WDPCP: variants seen among roughly 807,000 people sequenced by gnomAD.
WDPCP encodes WD repeat containing planar cell polarity effector.
In WDPCP, 71 loss-of-function variants were observed where a neutral mutation model predicts 93.1. The ratio of observed to expected loss-of-function variants is 0.76; its 90% CI spans 0.63 to 0.93. The LOEUF (loss-of-function observed/expected upper bound fraction) is 0.93. Ranked by LOEUF, WDPCP falls within the 40% of genes least tolerant of loss-of-function variation. WDPCP has a pLI of 0.00. For missense variants in WDPCP, 844 were observed against 887.4 expected (o/e 0.95, Z 0.62); for synonymous variants, 315 against 315.0 (o/e 1.00, Z 0.00).
At chr2:63,560,163 C>A (rs1228733185) in intron 1 of WDPCP, among the ~76,000 whole-genome samples, 1 of 152,038 alleles carries the variant, frequency 6.6e-6, no homozygotes, top group African/African-American at 2.4e-5. Context: ...GTGGAACTTG[C>A]AGTGAGCCAA....
chr2:63,603,352 T>A lies in WDPCP; in HGVS notation n.488+47307A>T, dbSNP rs530941907. Among the ~76,000 whole-genome samples, 39 of 152,348 alleles carry A rather than the reference T, an allele frequency of 2.6e-4. No individual in the cohort carries two copies. In the South Asian group the frequency reaches 8.1e-3, roughly 32 times the overall value. On this transcript the variant is annotated intron_variant and non_coding_transcript_variant, in intron 3 of 4. Coordinates refer to the WDPCP transcript ENST00000467687. ...TCCTTAAAATATCAAAGTGTATTCC[T>A]TTTCTTACATGGTAAATACTCAAAT...
intron 7 of WDPCP, chr2:63,437,976 G>A (rs1697251592): frequency 1.4e-6 from 2 of 1,412,504 alleles, no homozygotes; most frequent in East Asian, 2.6e-5. Context: ...ACTGATCAGT[G>A]TTCTCTACCA....
chr2:63,369,570 T>C, intron 12 of WDPCP: 4 of 454,400 alleles, frequency 8.8e-6, no homozygotes, highest in Middle Eastern at 3.3e-4. Context: ...AAACACATTT[T>C]GTACATCCCA....
In WDPCP at chr2:63,486,556, T is replaced by C; in HGVS notation, c.239A>G (p.Gln80Arg). The C allele has an allele frequency of 1.3e-6, 2 of 1,576,858 alleles. No individual in the cohort carries two copies. Among genetic ancestry groups the C allele is most frequent in the South Asian group, 2.3e-5 (2 of 86,770 alleles). The change falls in exon 4 of 18, where the codon CAG becomes CGG. Residue 80 changes from glutamine to arginine, a missense_variant. Physicochemically the swap from Gln to Arg is conservative, Grantham distance 43. Transcript: ENST00000272321. Reference sequence around the variant, plus strand: ...AGTAAGCTTACACTCTGCCAGCTTCTGCTTCTTTTCTAAGTTACCATGCTC... The same window carrying C: ...AGTAAGCTTACACTCTGCCAGCTTCCGCTTCTTTTCTAAGTTACCATGCTC... ...ATEHGNLEKK[Q>R]KLAESRDYPW...
At chr2:63,469,276 G>A (rs1486417999) in intron 6 of WDPCP, among the ~76,000 whole-genome samples, 1 of 152,178 alleles carries the variant, frequency 6.6e-6, no homozygotes, top group East Asian at 1.9e-4. Flanking sequence ...ACCACTTGGG[G>A]GAAAGCAGTG....
At chr2:63,335,187 C>G (rs750223474) in intron 12 of WDPCP, among the ~76,000 whole-genome samples, 1 of 152,106 alleles carries the variant, frequency 6.6e-6, no homozygotes, top group Non-Finnish European at 1.5e-5. Flanking sequence ...CTACCCATGC[C>G]CTTTTAAAAT....
At chr2:63,319,626 C>T (rs1186579200) in intron 12 of WDPCP, among the ~76,000 whole-genome samples, 3 of 152,114 alleles carry the variant, frequency 2.0e-5, no homozygotes, top group African/African-American at 7.2e-5. Context: ...CTACAGGGGC[C>T]CACTACCGCG....
intron 1 of WDPCP, among the ~76,000 whole-genome samples, chr2:63,500,623 G>A (rs565347081): frequency 2.0e-5 from 3 of 152,282 alleles, no homozygotes; most frequent in Non-Finnish European, 4.4e-5. Context: ...TGTTCTGAAT[G>A]CTGGGCTGTA....
chr2:63,598,925 A>C (rs2106614971), intron 3 of WDPCP, among the ~76,000 whole-genome samples: 1 of 150,260 alleles, frequency 6.7e-6, no homozygotes, highest in South Asian at 2.1e-4. Context: ...GATATATGGG[A>C]GTCAGTCTCT....
At chr2:63,586,185 G>A in intron 1 of WDPCP, among the ~76,000 whole-genome samples, 1 of 152,150 alleles carries the variant, frequency 6.6e-6, no homozygotes, top group East Asian at 1.9e-4. Flanking sequence ...GTTCCAAAGT[G>A]CCTTGGGTAT....
intron 3 of WDPCP, among the ~76,000 whole-genome samples, chr2:63,613,468 C>T (rs951933874): frequency 6.6e-5 from 10 of 152,234 alleles, no homozygotes; most frequent in Non-Finnish European, 1.5e-4. Context: ...ACCTCCCAAT[C>T]ATGGGATGGG....
chr2:63,202,439 T>A (rs2104342029), intron 14 of WDPCP, among the ~76,000 whole-genome samples: 1 of 152,292 alleles, frequency 6.6e-6, no homozygotes, highest in Admixed American at 6.5e-5. Context: ...TCCTCCATTA[T>A]CAGAATTCAG....
chr2:63,464,898 G>A (rs1009235215), intron 6 of WDPCP, among the ~76,000 whole-genome samples: 8 of 151,750 alleles, frequency 5.3e-5, no homozygotes, highest in African/African-American at 1.5e-4. Context: ...GGGAAAAGGG[G>A]GCATTGTTGT....
chr2:63,472,557 C>T (rs1234288368), intron 6 of WDPCP, among the ~76,000 whole-genome samples: 3 of 151,678 alleles, frequency 2.0e-5, no homozygotes, highest in Non-Finnish European at 4.4e-5. Flanking sequence ...GCAAGAATTC[C>T]TTTCCCTTTT....
intron 2 of WDPCP, among the ~76,000 whole-genome samples, chr2:63,780,936 G>A (rs530148057): frequency 1.3e-5 from 2 of 152,154 alleles, no homozygotes; most frequent in Admixed American, 1.3e-4. Flanking sequence ...CCTGAAAACC[G>A]GGCCAAGTAG....
At chr2:63,266,138 C>T (rs1370957315) in intron 13 of WDPCP, among the ~76,000 whole-genome samples, 1 of 152,156 alleles carries the variant, frequency 6.6e-6, no homozygotes, top group Non-Finnish European at 1.5e-5. Context: ...TTCAACACAG[C>T]ACTGGAAATC....
intron 6 of WDPCP, among the ~76,000 whole-genome samples, chr2:63,481,753 G>T (rs903741199): frequency 1.1e-4 from 16 of 151,884 alleles, no homozygotes; most frequent in African/African-American, 3.9e-4. Context: ...AGGGTGGGAG[G>T]GGGGTGAGGG....
At chr2:63,255,648 A>G (rs1681070784) in intron 14 of WDPCP, among the ~76,000 whole-genome samples, 2 of 152,116 alleles carry the variant, frequency 1.3e-5, no homozygotes, top group Non-Finnish European at 2.9e-5. Flanking sequence ...CCAGGTACAG[A>G]TGCCAGCACC....
At chr2:63,758,751 T>A (rs1292712851) in intron 2 of WDPCP, among the ~76,000 whole-genome samples, 1 of 150,228 alleles carries the variant, frequency 6.7e-6, no homozygotes, top group African/African-American at 2.5e-5. Flanking sequence ...AGTTCTGGAG[T>A]CTTTAAAAAA....
Sources: allele counts gnomAD v4.1 joint callset (sites outside exome capture counted in the v4.1 genomes callset), GRCh38; gene constraint gnomAD v4.1.1; transcripts MANE v1.5; gene names NCBI Gene and HGNC (gene_info 2026-07-23, HGNC 2026-07-21).